ITGA4: variants seen among roughly 807,000 people sequenced by gnomAD.
The protein encoded by ITGA4 is integrin alpha-4.
ITGA4 carries 63 observed loss-of-function variants against 133.6 expected under a neutral mutation model. The observed-to-expected ratio is 0.47, with a 90% CI of 0.38 to 0.58. ITGA4 has a LOEUF of 0.58. Ranked by LOEUF, ITGA4 falls within the 20% of genes least tolerant of loss-of-function variation. The pLI is 0.00. For missense variants in ITGA4, 1,076 were observed against 1,252.7 expected (o/e 0.86, Z 2.13); for synonymous variants, 483 against 438.0 (o/e 1.10, Z -1.28).
In ITGA4 at chr2:181,458,721, G is replaced by A. The variant is rs189410073; in HGVS notation, c.319+404G>A. On this transcript the variant is annotated intron_variant, in intron 2 of 27. Coordinates refer to ENST00000397033, the MANE Select transcript of ITGA4 (RefSeq NM_000885.6). ...ACCCTCTTAAAGAACAGGCTAAGGA[G>A]CATATCAGGAATAGCAATTGGAATT... 625 of 173,022 alleles carry A rather than the reference G, an allele frequency of 3.6e-3. 1 individual carries two copies. The highest frequency in any genetic ancestry group is 5.6e-3 in the Non-Finnish European group (441 of 79,222). 10.7% of individuals were successfully genotyped at this position (173,022 alleles called of 1,614,324 possible). A position where few individuals can be genotyped will look rare whatever the true frequency, so the allele number is the denominator to read the frequency against.
chr2:181,511,547 T>A, intron 16 of ITGA4, 152 bp from the exon 17 acceptor site: 1 of 534,232 alleles, frequency 1.9e-6, no homozygotes, highest in Non-Finnish European at 3.3e-6. Flanking sequence ...ATTCTCAAAT[T>A]GAACTTTTTA....
At chr2:181,461,424 G>A (rs1285855832) in intron 2 of ITGA4, among the ~76,000 whole-genome samples, 2 of 151,566 alleles carry the variant, frequency 1.3e-5, no homozygotes, top group African/African-American at 4.9e-5. Flanking sequence ...TGCCAGGAGG[G>A]TCTGGGCCCA....
At chr2:181,463,307 A>G (rs1685332423) in intron 2 of ITGA4, among the ~76,000 whole-genome samples, 1 of 152,172 alleles carries the variant, frequency 6.6e-6, no homozygotes, top group African/African-American at 2.4e-5. Flanking sequence ...TAGGATATTT[A>G]AAACTGGGGA....
intron 15 of ITGA4, among the ~76,000 whole-genome samples, chr2:181,507,967 T>G (rs1686428571): frequency 6.6e-6 from 1 of 152,052 alleles, no homozygotes; most frequent in South Asian, 2.1e-4. Context: ...TTTCAAAGAT[T>G]TTTTTTTGTT....
intron 21 of ITGA4, among the ~76,000 whole-genome samples, chr2:181,525,729 G>A (rs1186247448): frequency 3.3e-5 from 5 of 152,212 alleles, no homozygotes; most frequent in Admixed American, 6.5e-5. Context: ...GGATTGAGAT[G>A]TGAGAGATCT....
At position 181,522,207 on chromosome 2, in the gene ITGA4, A is replaced by G; in HGVS notation, c.1939A>G (p.Thr647Ala). The stretch of plus-strand genomic sequence containing the variant: ...AATTTTTAGGCCCCATGAAAATAAA[A>G]CATATCTTGCTGTTGGGAGTATGAA... ...IGFLKPHENKTYLAVGSMKTL... is the reference protein window; with the variant it reads ...IGFLKPHENKAYLAVGSMKTL... Residue 647 changes from threonine (T) to alanine (A), a missense_variant, in exon 18 of 28, where the codon ACA becomes GCA. By Grantham distance (58) the Thr-to-Ala change is moderately conservative. Transcript: ENST00000397033. The G allele has an allele frequency of 6.3e-7, 1 of 1,585,658 alleles. No individual in the cohort carries two copies. Among genetic ancestry groups the G allele is most frequent in the Non-Finnish European group, 8.6e-7 (1 of 1,164,932 alleles).
At chr2:181,467,710 A>C (rs1685453305) in intron 2 of ITGA4, among the ~76,000 whole-genome samples, 1 of 152,206 alleles carries the variant, frequency 6.6e-6, no homozygotes, top group African/African-American at 2.4e-5. Flanking sequence ...AGAAAGTGGA[A>C]TAGATTTCAG....
chr2:181,529,659 A>G lies in ITGA4; in HGVS notation c.2538+11A>G, dbSNP rs1484741374. Reference sequence around the variant, plus strand: ...ATTTTGGATGTCCAGGTAAAAATGTATTTCTTCCATCTAACCTTTATTGTG... The same window carrying G: ...ATTTTGGATGTCCAGGTAAAAATGTGTTTCTTCCATCTAACCTTTATTGTG... On this transcript the variant is annotated intron_variant, in intron 23 of 27. Coordinates refer to ENST00000397033, the MANE Select transcript of ITGA4 (RefSeq NM_000885.6). 7 of 1,331,208 alleles carry G rather than the reference A, an allele frequency of 5.3e-6. No homozygotes were observed. Among genetic ancestry groups the G allele is most frequent in the South Asian group, 1.2e-5 (1 of 84,310 alleles). The allele number at this position is 1,331,208 out of a possible 1,614,324, so 82.5% of individuals were successfully genotyped here. A position where few individuals can be genotyped will look rare whatever the true frequency, so the allele number is the denominator to read the frequency against.
In ITGA4 at chr2:181,527,951, AAG is replaced by A. The variant is rs149738705; in HGVS notation, c.2430+565_2430+566del. 6.4e-3 allele frequency among the ~76,000 whole-genome samples: 963 copies of A among 151,420 alleles called. 12 individuals are homozygous for A. The highest frequency in any genetic ancestry group is 0.022 in the African/African-American group (908 of 40,712). On this transcript the variant is annotated intron_variant, in intron 22 of 27. Coordinates refer to ENST00000397033, the MANE Select transcript of ITGA4 (RefSeq NM_000885.6). ...AGTATTAGGAGACTGATGTAAACCT[AAG>A]TTTTTAAAAACATTTTTTGCTGTCA...
chr2:181,490,997 A>G (rs1686040596), intron 10 of ITGA4, among the ~76,000 whole-genome samples: 1 of 152,214 alleles, frequency 6.6e-6, no homozygotes, highest in Non-Finnish European at 1.5e-5. Context: ...TATTGTATAT[A>G]TTTCAAAACA....
intron 4 of ITGA4, among the ~76,000 whole-genome samples, chr2:181,476,500 T>G (rs1247986091): frequency 6.6e-6 from 1 of 152,236 alleles, no homozygotes; most frequent in Non-Finnish European, 1.5e-5. Flanking sequence ...GTTCCAATTC[T>G]TATTTTCATA....
chr2:181,522,557 T>C (rs1210947996), intron 18 of ITGA4, among the ~76,000 whole-genome samples: 10 of 152,078 alleles, frequency 6.6e-5, no homozygotes, highest in African/African-American at 1.2e-4. Flanking sequence ...GTACTAGGAG[T>C]AGGAGGAAGC....
At chr2:181,481,148 T>A (rs17290351) in intron 6 of ITGA4, among the ~76,000 whole-genome samples, 24,406 of 152,212 alleles carry the variant, frequency 0.16, 2,156 homozygotes, top group Middle Eastern at 0.24. Context: ...ATATAACTTG[T>A]TACGCCTTTT....
intron 25 of ITGA4, among the ~76,000 whole-genome samples, chr2:181,532,374 T>C (rs1376491206): frequency 2.0e-5 from 3 of 152,242 alleles, no homozygotes; most frequent in African/African-American, 7.2e-5. Flanking sequence ...ATATTGATTC[T>C]TCCTATCCAT....
At position 181,474,972 on chromosome 2, in the gene ITGA4, G is replaced by A; in HGVS notation, c.332G>A (p.Gly111Glu). The change falls in exon 3 of 28, where the codon GGA becomes GAA. Residue 111 changes from glycine to glutamate, a missense_variant. By Grantham distance (98) the Gly-to-Glu change is moderately conservative (BLOSUM62 -2). Around this residue, in one of 4 missense-constraint regions of ITGA4, gnomAD observed 436 missense variants for 590.7 expected, o/e 0.74. Transcript: ENST00000397033. ...TCACATGCTATAGGTAGCCCTAATG[G>A]AGAACCTTGTGGAAAGACTTGTTTG... is the stretch of plus-strand genomic sequence containing the variant. ...CEQLQLGSPN[G>E]EPCGKTCLEE... is the part of the protein sequence containing the mutation. 1 of 1,613,640 alleles carries A rather than the reference G, an allele frequency of 6.2e-7. No individual in the cohort carries two copies. Among genetic ancestry groups the A allele is most frequent in the Non-Finnish European group, 8.5e-7 (1 of 1,179,594 alleles).
In ITGA4 at chr2:181,498,757, A is replaced by G. The variant is rs778448768; in HGVS notation, c.1675A>G (p.Thr559Ala). ...GTCCAGCAGAGAAGCTAACTGTAGA[A>G]CACATCAAGCATTTATGCGGGTAAT... ...QVSSREANCR[T>A]HQAFMRKDVR... Residue 559 changes from threonine to alanine, a missense_variant, in exon 15 of 28, where the codon ACA (threonine) becomes GCA (alanine). By Grantham distance (58) the Thr-to-Ala change is moderately conservative. Around this residue, in one of 4 missense-constraint regions of ITGA4, gnomAD observed 365 missense variants for 421.4 expected, o/e 0.87. Coordinates refer to ENST00000397033, the MANE Select transcript of ITGA4 (RefSeq NM_000885.6). The G allele has an allele frequency of 3.1e-6, 5 of 1,608,180 alleles. No individual in the cohort carries two copies. The South Asian group carries it at 3.3e-5, about 11-fold the overall frequency.
chr2:181,536,778 GT>G lies in ITGA4; in HGVS notation c.*1252del. On this transcript the variant is annotated 3_prime_UTR_variant, in exon 28 of 28. Transcript: ENST00000397033. ...AATTTCTTTAAATACAATCATTTTT[GT>G]AATATTTATTTTATGCTTATGATCT... 4.1e-6 allele frequency: 1 copy of G among 246,286 alleles called. No individual in the cohort carries two copies. Among genetic ancestry groups the G allele is most frequent in the Non-Finnish European group, 8.2e-6 (1 of 122,356 alleles). The allele number at this position is 246,286 out of a possible 1,614,324, so 15.3% of individuals were successfully genotyped here.
chr2:181,514,400 G>C (rs1159667612), intron 17 of ITGA4, among the ~76,000 whole-genome samples: 2 of 152,062 alleles, frequency 1.3e-5, no homozygotes, highest in Non-Finnish European at 2.9e-5. Context: ...TTAGCCTTGA[G>C]AGTCCATAGT....
Position 181,534,903 on chromosome 2 carries a change from G to A in ITGA4, c.2971G>A (p.Val991Ile). Reference sequence around the variant, plus strand: ...AAGTAGCTTGCTACTTGGACTTATTGTACTTCTATTGATCTCATATGTTAT... The same window carrying A: ...AAGTAGCTTGCTACTTGGACTTATTATACTTCTATTGATCTCATATGTTAT... ...ISSSLLLGLI[V>I]LLLISYVMWK... Residue 991 changes from valine (V) to isoleucine (I), a missense_variant, in exon 27 of 28, where the codon GTA (valine) becomes ATA (isoleucine). Val to Ile is a conservative substitution (Grantham distance 29). Around this residue, in one of 4 missense-constraint regions of ITGA4, gnomAD observed 193 missense variants for 172.3 expected, o/e 1.12. Transcript: ENST00000397033. 6.3e-7 allele frequency: 1 copy of A among 1,589,708 alleles called. No individual in the cohort carries two copies.
Sources: allele counts gnomAD v4.1 joint callset (sites outside exome capture counted in the v4.1 genomes callset), GRCh38; gene constraint gnomAD v4.1.1; regional missense constraint gnomAD v4.1.1; transcripts MANE v1.5; gene names NCBI Gene and HGNC (gene_info 2026-07-23, HGNC 2026-07-21).